The following HDAC9 variants were observed in gnomAD, a reference collection of about 807,000 sequenced individuals.
HDAC9 encodes the protein MEF-2 interacting transcription repressor (MITR) protein.
A neutral mutation model predicts 139.4 loss-of-function variants in HDAC9; 41 were observed. That is an observed-to-expected ratio of 0.29 (90% CI 0.23 to 0.38). The LOEUF is 0.38. Among genes scored for constraint, HDAC9 ranks in the 10% least tolerant of loss-of-function variants. The pLI is 1.00. For synonymous variants in HDAC9, 517 were observed against 476.2 expected (o/e 1.09, Z -1.12); for missense variants, 1,147 against 1,297.0 (o/e 0.88, Z 1.78).
At chr7:18,824,075 G>GAAGAAGAAC (rs1795215955) in intron 17 of HDAC9, among the ~76,000 whole-genome samples, 1 of 151,002 alleles carries the variant, frequency 6.6e-6, no homozygotes, top group African/African-American at 2.5e-5. Context: ...AGAAGAAGAA[G>GAAGAAGAAC]AAGAAGAAGA....
chr7:18,894,625 T>C (rs1358619817), intron 22 of HDAC9, among the ~76,000 whole-genome samples: 1 of 152,046 alleles, frequency 6.6e-6, no homozygotes, highest in Non-Finnish European at 1.5e-5. Flanking sequence ...CTTGAGGAAT[T>C]TTATTCTAAC....
intron 1 of HDAC9, among the ~76,000 whole-genome samples, chr7:18,090,842 A>C (rs1326251647): frequency 6.6e-6 from 1 of 151,414 alleles, no homozygotes; most frequent in Non-Finnish European, 1.5e-5. Context: ...TATCTGAATA[A>C]ATCAGACTTT....
chr7:18,533,704 A>G (rs1321439240), intron 2 of HDAC9, among the ~76,000 whole-genome samples: 1 of 152,010 alleles, frequency 6.6e-6, no homozygotes, highest in Non-Finnish European at 1.5e-5. Flanking sequence ...TTATGTTTTC[A>G]GTATTTAGAT....
intron 22 of HDAC9, among the ~76,000 whole-genome samples, chr7:18,904,616 C>T (rs1187317050): frequency 2.2e-5 from 3 of 133,922 alleles, no homozygotes; most frequent in Non-Finnish European, 4.6e-5. Context: ...GTCTCGCTGT[C>T]TCCCAGGCTG....
chr7:18,441,799 C>T (rs1209530120), intron 1 of HDAC9, among the ~76,000 whole-genome samples: 2 of 152,198 alleles, frequency 1.3e-5, no homozygotes, highest in Non-Finnish European at 2.9e-5. Flanking sequence ...GACGGAGTCT[C>T]ACTCTGTCGC....
chr7:18,560,513 C>T (rs1357557281), intron 2 of HDAC9, among the ~76,000 whole-genome samples: 5 of 152,102 alleles, frequency 3.3e-5, no homozygotes, highest in African/African-American at 9.7e-5. Context: ...TACTCACTTC[C>T]AAAACCTTGT....
intron 1 of HDAC9, among the ~76,000 whole-genome samples, chr7:18,482,300 T>G (rs1243592309): frequency 6.9e-6 from 1 of 145,376 alleles, no homozygotes; most frequent in Non-Finnish European, 1.5e-5. Context: ...TTTCAGCTGC[T>G]TGAGAGGTTG....
At chr7:18,717,431 CTTTTTT>C (rs59746761) in intron 12 of HDAC9, among the ~76,000 whole-genome samples, 18 of 137,242 alleles carry the variant, frequency 1.3e-4, no homozygotes, top group African/African-American at 5.0e-4. Flanking sequence ...TTACAATTTC[CTTTTTT>C]TTTTTTTTTT....
At chr7:18,831,833 A>G (rs1246905469) in intron 19 of HDAC9, among the ~76,000 whole-genome samples, 1 of 152,156 alleles carries the variant, frequency 6.6e-6, no homozygotes, top group Non-Finnish European at 1.5e-5. Flanking sequence ...CTGCAAATCC[A>G]AAGTCATTAA....
At chr7:18,973,429 G>C (rs1784369074) in intron 24 of HDAC9, among the ~76,000 whole-genome samples, 1 of 152,268 alleles carries the variant, frequency 6.6e-6, no homozygotes, top group Admixed American at 6.5e-5. Flanking sequence ...TGTACTTATA[G>C]ATGGTATATG....
At chr7:18,263,040 C>A (rs866841533) in intron 2 of HDAC9, among the ~76,000 whole-genome samples, 3 of 151,588 alleles carry the variant, frequency 2.0e-5, no homozygotes, top group Admixed American at 6.6e-5. Flanking sequence ...ATTAAATAGT[C>A]CAATAAAAAA....
chr7:18,310,448 T>A, intron 1 of HDAC9, among the ~76,000 whole-genome samples: 1 of 152,186 alleles, frequency 6.6e-6, no homozygotes, highest in African/African-American at 2.4e-5. Flanking sequence ...AGAGTTAGCC[T>A]GTGTGTCAGT....
At chr7:18,795,488 T>C (rs1479022327) in intron 17 of HDAC9, among the ~76,000 whole-genome samples, 2 of 152,162 alleles carry the variant, frequency 1.3e-5, no homozygotes, top group Admixed American at 1.3e-4. Context: ...TGAATCTCAA[T>C]TATAACACTA....
chr7:18,829,056 T>C, intron 17 of HDAC9, 105 bp from the exon 18 acceptor site: 1 of 803,476 alleles, frequency 1.2e-6, no homozygotes, highest in Non-Finnish European at 2.2e-6. Context: ...GACTTCAGTT[T>C]TGTGTGTGTG....
chr7:18,555,908 G>C (rs969366346), intron 2 of HDAC9, among the ~76,000 whole-genome samples: 6 of 152,018 alleles, frequency 3.9e-5, no homozygotes, highest in Non-Finnish European at 8.8e-5. Context: ...TCAGTGAAAA[G>C]AGCAAGATGA....
At chr7:18,849,325 A>G (rs1395623907) in intron 21 of HDAC9, among the ~76,000 whole-genome samples, 1 of 152,226 alleles carries the variant, frequency 6.6e-6, no homozygotes, top group African/African-American at 2.4e-5. Context: ...CAAAGAAAGA[A>G]AGGAAGAGAA....
chr7:18,194,405 C>G (rs184701073), intron 2 of HDAC9, among the ~76,000 whole-genome samples: 88 of 152,000 alleles, frequency 5.8e-4, no homozygotes, highest in Admixed American at 1.1e-3. Flanking sequence ...TAAATTTTAT[C>G]ATTTTAACAT....
At chr7:18,273,055 CGTTTTTTTTTTT>C (rs1562821410) in intron 2 of HDAC9, among the ~76,000 whole-genome samples, 1 of 68,236 alleles carries the variant, frequency 1.5e-5, no homozygotes, top group African/African-American at 6.4e-5. Flanking sequence ...TCCCCTTCTT[CGTTTTTTTTTTT>C]TTTTTTTTTT....
intron 1 of HDAC9, among the ~76,000 whole-genome samples, chr7:18,118,036 G>A (rs1188869484): frequency 6.6e-6 from 1 of 152,120 alleles, no homozygotes; most frequent in Non-Finnish European, 1.5e-5. Context: ...TTGTCAGTGT[G>A]ATGAGGATCT....
Sources: allele counts gnomAD v4.1 joint callset (sites outside exome capture counted in the v4.1 genomes callset), GRCh38; gene constraint gnomAD v4.1.1; transcripts MANE v1.5; gene names NCBI Gene and HGNC (gene_info 2026-07-23, HGNC 2026-07-21).